OLA1: variants seen among roughly 807,000 people sequenced by gnomAD.
OLA1 encodes the protein obg-like ATPase 1.
OLA1 carries 14 observed loss-of-function variants against 48.4 expected under a neutral mutation model. The observed-to-expected ratio is 0.29, with a 90% CI of 0.19 to 0.45. The LOEUF (loss-of-function observed/expected upper bound fraction) is 0.45. Ranked by LOEUF, OLA1 falls within the 20% of genes least tolerant of loss-of-function variation. The pLI is 1.00. For missense variants in OLA1, 325 were observed against 467.1 expected (o/e 0.70, Z 2.80); for synonymous variants, 127 against 150.4 (o/e 0.84, Z 1.14).
chr2:174,168,990 G>A (rs985729829), intron 4 of OLA1, among the ~76,000 whole-genome samples: 1 of 151,458 alleles, frequency 6.6e-6, no homozygotes, highest in South Asian at 2.1e-4. Context: ...ACGGAGTCTC[G>A]CCCTGTTGCC....
intron 1 of OLA1, chr2:174,247,834 C>G: frequency 6.6e-7 from 1 of 1,524,158 alleles, no homozygotes; most frequent in South Asian, 1.2e-5. Context: ...TTCTCTGTCC[C>G]TTACTAGTTC....
intron 2 of OLA1, among the ~76,000 whole-genome samples, chr2:174,244,893 A>G (rs1419202318): frequency 1.3e-5 from 2 of 152,116 alleles, no homozygotes; most frequent in South Asian, 2.1e-4. Context: ...CGGCCTCCCA[A>G]AGTGCTGAGA....
At chr2:174,099,610 T>C (rs13382734) in intron 7 of OLA1, among the ~76,000 whole-genome samples, 6,449 of 152,302 alleles carry the variant, frequency 0.042, 487 homozygotes, top group African/African-American at 0.15. Context: ...CCTTTGCTAC[T>C]ATCCCCATTG....
chr2:174,135,335 A>G (rs1453255495), intron 5 of OLA1, among the ~76,000 whole-genome samples: 2 of 152,170 alleles, frequency 1.3e-5, no homozygotes, highest in Non-Finnish European at 2.9e-5. Context: ...TTTGTGAGCC[A>G]TGGCCTTTAT....
chr2:174,093,823 G>C (rs535640472), intron 7 of OLA1, among the ~76,000 whole-genome samples: 1 of 152,216 alleles, frequency 6.6e-6, no homozygotes, highest in African/African-American at 2.4e-5. Flanking sequence ...CCATGAGGCC[G>C]CAGGATAAAC....
chr2:174,075,355 C>T lies in OLA1; in HGVS notation c.*71G>A. ...CAACTTTATTTGTCGCATTGGTTTTCAGAAATTTTAATTTTTTAAAAATCA... is the reference window on the plus strand; with the variant it reads ...CAACTTTATTTGTCGCATTGGTTTTTAGAAATTTTAATTTTTTAAAAATCA... On this transcript the variant is annotated 3_prime_UTR_variant, in exon 11 of 11. Coordinates refer to ENST00000284719, the MANE Select transcript of OLA1 (RefSeq NM_013341.5). The T allele has an allele frequency of 1.2e-6, 1 of 814,458 alleles. No homozygotes were observed. The highest frequency in any genetic ancestry group is 2.0e-6 in the Non-Finnish European group (1 of 505,810). The allele number at this position is 814,458 out of a possible 1,614,324, so 50.5% of individuals were successfully genotyped here. A position where few individuals can be genotyped will look rare whatever the true frequency, so the allele number is the denominator to read the frequency against.
At chr2:174,181,492 TAA>T (rs1558992693) in intron 4 of OLA1, among the ~76,000 whole-genome samples, 1 of 152,120 alleles carries the variant, frequency 6.6e-6, no homozygotes, top group Non-Finnish European at 1.5e-5. Context: ...GTGAAATACG[TAA>T]GAGAGGGCAT....
Position 174,223,312 on chromosome 2 carries a change from A to C in OLA1, c.246-152T>G, listed in dbSNP as rs1688546569. 7.2e-6 allele frequency: 5 copies of C among 697,538 alleles called. No homozygotes were observed. In the East Asian group the frequency reaches 1.1e-4, roughly 16 times the overall value. 43.2% of individuals were successfully genotyped at this position (697,538 alleles called of 1,614,324 possible). ...AAATGAATATCCACCCCTCCCCCCA[A>C]AAAAAATTAGAAATGGCCTTGTAAT... On this transcript the variant is annotated intron_variant, in intron 3 of 10. Coordinates refer to ENST00000284719, the MANE Select transcript of OLA1 (RefSeq NM_013341.5).
intron 4 of OLA1, among the ~76,000 whole-genome samples, chr2:174,211,214 CTCTCTCTCTT>C (rs1688236272): frequency 6.6e-6 from 1 of 152,100 alleles, no homozygotes; most frequent in Admixed American, 6.6e-5. Flanking sequence ...CACTCTCTCT[CTCTCTCTCTT>C]TCTCTCACTA....
intron 2 of OLA1, among the ~76,000 whole-genome samples, chr2:174,236,596 T>G (rs954692242): frequency 3.3e-5 from 5 of 152,184 alleles, no homozygotes; most frequent in African/African-American, 4.8e-5. Flanking sequence ...TGGAGATACA[T>G]TCTGAGAAAT....
chr2:174,159,148 T>C lies in OLA1; in HGVS notation c.374-17148A>G, dbSNP rs150862627. Among the ~76,000 whole-genome samples the C allele has an allele frequency of 2.2e-3, 337 of 152,318 alleles. 2 individuals are homozygous for C. Among genetic ancestry groups the C allele is most frequent in the Non-Finnish European group, 1.5e-3 (102 of 68,014 alleles). On this transcript the variant is annotated intron_variant, in intron 4 of 10. Transcript: ENST00000284719. Reference sequence around the variant, plus strand: ...TACTCAACAGCATAAACAGTTCACTTACAAGAAATGGAAAGGGGCTAATCA... The same window carrying C: ...TACTCAACAGCATAAACAGTTCACTCACAAGAAATGGAAAGGGGCTAATCA...
intron 5 of OLA1, among the ~76,000 whole-genome samples, chr2:174,128,736 CA>C (rs55808846): frequency 0.71 from 92,670 of 131,012 alleles, 31,091 homozygotes; most frequent in East Asian, 0.94. Context: ...AAACTTGTCT[CA>C]AAAAAAAAAA....
chr2:174,209,871 C>T (rs1014064277), intron 4 of OLA1, among the ~76,000 whole-genome samples: 1 of 152,040 alleles, frequency 6.6e-6, no homozygotes, highest in Non-Finnish European at 1.5e-5. Flanking sequence ...AAAAGAATAA[C>T]GTGAATGTTC....
At chr2:174,204,172 C>T (rs1017453665) in intron 4 of OLA1, among the ~76,000 whole-genome samples, 1 of 151,740 alleles carries the variant, frequency 6.6e-6, no homozygotes, top group African/African-American at 2.4e-5. Context: ...GAGGCCGAGG[C>T]GGGCGGATCA....
At chr2:174,159,962 T>G (rs953755932) in intron 4 of OLA1, among the ~76,000 whole-genome samples, 1 of 152,098 alleles carries the variant, frequency 6.6e-6, no homozygotes, top group South Asian at 2.1e-4. Flanking sequence ...ATTTATTTAC[T>G]TCATTAAATA....
intron 4 of OLA1, among the ~76,000 whole-genome samples, chr2:174,191,976 T>C (rs1003959653): frequency 6.6e-6 from 1 of 152,188 alleles, no homozygotes; most frequent in East Asian, 1.9e-4. Flanking sequence ...ACATTTAATA[T>C]TATTGATATG....
At chr2:174,078,788 A>G (rs1684801752) in intron 10 of OLA1, among the ~76,000 whole-genome samples, 180 bp downstream of exon 10, 1 of 151,972 alleles carries the variant, frequency 6.6e-6, no homozygotes, top group South Asian at 2.1e-4. Context: ...AAAATGATCT[A>G]AAAGTATGTA....
intron 4 of OLA1, among the ~76,000 whole-genome samples, chr2:174,191,924 ACTAGCCGGCAG>A (rs1687786366): frequency 6.6e-6 from 1 of 152,214 alleles, no homozygotes; most frequent in African/African-American, 2.4e-5. Flanking sequence ...AACAAATGAA[ACTAGCCGGCAG>A]CAGTTTGCCA....
intron 4 of OLA1, among the ~76,000 whole-genome samples, chr2:174,165,784 G>C (rs1231858186): frequency 6.7e-6 from 1 of 149,298 alleles, no homozygotes; most frequent in Non-Finnish European, 1.5e-5. Flanking sequence ...GAATGAGAAT[G>C]CCGTTCCTCT....
Sources: allele counts gnomAD v4.1 joint callset (sites outside exome capture counted in the v4.1 genomes callset), GRCh38; gene constraint gnomAD v4.1.1; transcripts MANE v1.5; gene names NCBI Gene and HGNC (gene_info 2026-07-23, HGNC 2026-07-21).